ABCC6: variants seen among roughly 807,000 people sequenced by gnomAD.
ABCC6 encodes the protein ATP binding cassette subfamily C member 6.
A neutral mutation model predicts 169.5 loss-of-function variants in ABCC6; 126 were observed. That is an observed-to-expected ratio of 0.74 (90% confidence interval 0.64 to 0.86). The LOEUF is 0.86. Among genes scored for constraint, ABCC6 ranks in the 40% least tolerant of loss-of-function variants. The probability of loss-of-function intolerance (pLI) is 0.00; values close to 1 mark genes in which losing one functional copy is unlikely to be tolerated. For missense variants in ABCC6, 1,733 were observed against 1,927.2 expected (o/e 0.90, Z 1.89); for synonymous variants, 752 against 814.7 (o/e 0.92, Z 1.31).
chr16:16,159,384 A>C, intron 26 of ABCC6, 98 bp downstream of exon 26: 8 of 1,139,956 alleles, frequency 7.0e-6, no homozygotes, highest in Non-Finnish European at 5.2e-6. Flanking sequence ...AGAAGAGGGT[A>C]TAAACTCCAA....
chr16:16,221,649 C>T lies in ABCC6; in HGVS notation c.219G>A (p.Met73Ile). 1 of 1,613,924 alleles carries T rather than the reference C, an allele frequency of 6.2e-7. No homozygotes were observed. Among genetic ancestry groups the T allele is most frequent in the Non-Finnish European group, 8.5e-7 (1 of 1,179,846 alleles). The change falls in exon 2 of 31, where the codon ATG becomes ATA. Residue 73 changes from methionine to isoleucine, a missense_variant and splice_region_variant. By Grantham distance (10) the Met-to-Ile change is conservative. Around this residue, in one of 5 missense-constraint regions of ABCC6, gnomAD observed 66 missense variants for 69.5 expected, o/e 0.95. Transcript: ENST00000205557. ...CCAGGCTCCCAGGGATGGCAGCTAC[C>T]ATCTTGGCTTTGAAGAGTGGGGACA... ...LRMSPLFKAK[M>I]VLGFALIVLC...
At chr16:16,183,047 G>T (rs1015184030) in intron 15 of ABCC6, 117 bp from the exon 16 acceptor site, 4 of 1,505,794 alleles carry the variant, frequency 2.7e-6, no homozygotes, top group African/African-American at 1.4e-5. Context: ...AAGAGGACCT[G>T]TGGGGCTGTT....
chr16:16,177,391 G>A (rs2047310896), intron 19 of ABCC6, 61 bp downstream of exon 19: 3 of 1,599,528 alleles, frequency 1.9e-6, no homozygotes, highest in African/African-American at 1.3e-5. Context: ...GACCCTTCGA[G>A]CCTTTTCCCC....
chr16:16,165,487 C>T, intron 23 of ABCC6, 136 bp downstream of exon 23: 2 of 893,306 alleles, frequency 2.2e-6, no homozygotes, highest in Non-Finnish European at 3.5e-6. Flanking sequence ...TGTAGTGTCC[C>T]TGTCCCTGGG....
intron 20 of ABCC6, among the ~76,000 whole-genome samples, chr16:16,175,019 T>C (rs908802864): frequency 4.0e-4 from 61 of 151,998 alleles, no homozygotes; most frequent in African/African-American, 1.4e-3. Flanking sequence ...TAGCTAGTGA[T>C]CCACCCGCTT....
intron 3 of ABCC6, 36 bp from the exon 4 acceptor site, chr16:16,219,718 G>C: frequency 1.3e-6 from 1 of 773,046 alleles, no homozygotes. Context: ...CTTAGGGGAG[G>C]GTGGGAGGCT....
chr16:16,187,028 T>A lies in ABCC6; in HGVS notation c.1867+96A>T. 2 of 1,088,930 alleles carry A rather than the reference T, an allele frequency of 1.8e-6. 1 individual carries two copies. Among genetic ancestry groups the A allele is most frequent in the African/African-American group, 3.1e-5 (2 of 64,308 alleles). 67.5% of individuals were successfully genotyped at this position (1,088,930 alleles called of 1,614,324 possible). Reference sequence around the variant, plus strand: ...TCATCCATTGCCCGCAGCCCCCATCTCCCCCCAGTACTGATGCTGGCTTGC... The same window carrying A: ...TCATCCATTGCCCGCAGCCCCCATCACCCCCCAGTACTGATGCTGGCTTGC... On this transcript the variant is annotated intron_variant, in intron 14 of 30. Transcript: ENST00000205557.
intron 14 of ABCC6, among the ~76,000 whole-genome samples, chr16:16,185,993 T>C (rs2047644615): frequency 6.6e-6 from 1 of 152,200 alleles, no homozygotes; most frequent in African/African-American, 2.4e-5. Flanking sequence ...ATTTTGGAGA[T>C]GGGAACACGG....
At chr16:16,208,372 T>A (rs1451860022) in intron 7 of ABCC6, among the ~76,000 whole-genome samples, 1 of 150,990 alleles carries the variant, frequency 6.6e-6, no homozygotes, top group Non-Finnish European at 1.5e-5. Flanking sequence ...TTTTGTCTTG[T>A]TTGTTTGTTT....
At chr16:16,188,633 C>A (rs1280238627) in intron 13 of ABCC6, among the ~76,000 whole-genome samples, 198 bp downstream of exon 13, 1 of 152,186 alleles carries the variant, frequency 6.6e-6, no homozygotes, top group Non-Finnish European at 1.5e-5. Flanking sequence ...CAAAGGCTGA[C>A]CCCTTCCAGA....
In ABCC6 at chr16:16,186,927, G is replaced by A. The variant is rs932784169; in HGVS notation, c.1867+197C>T. On this transcript the variant is annotated intron_variant, in intron 14 of 30. Transcript: ENST00000205557. ...CAAAGTGGGCGCTCAGTGAGTGGTC[G>A]CTGAATGGCTAGCAGAAAGAAGAGC... Among the ~76,000 whole-genome samples, 4 of 152,040 alleles carry A rather than the reference G, an allele frequency of 2.6e-5. No homozygotes were observed. The South Asian group carries it at 6.2e-4, about 24-fold the overall frequency.
chr16:16,169,641 C>A lies in ABCC6; in HGVS notation c.2995+5G>T. 6.2e-7 allele frequency: 1 copy of A among 1,610,216 alleles called. No individual in the cohort carries two copies. On this transcript the variant is annotated splice_donor_5th_base_variant and intron_variant, in intron 22 of 30. Coordinates refer to ENST00000205557, the MANE Select transcript of ABCC6 (RefSeq NM_001171.6). ...AGAGGGATGAGGAGGGCAGGTGAGG[C>A]GTACCTTGGAGACAGCCGAGGAGCC...
At chr16:16,192,118 C>G (rs1364128046) in intron 11 of ABCC6, among the ~76,000 whole-genome samples, 2 of 152,156 alleles carry the variant, frequency 1.3e-5, no homozygotes. Flanking sequence ...GGAAGCCGCC[C>G]TGACTGCAGG....
In ABCC6 at chr16:16,175,991, A is replaced by G. The variant is rs2047267029; in HGVS notation, c.2591-5T>C. On this transcript the variant is annotated splice_region_variant and splice_polypyrimidine_tract_variant and intron_variant, in intron 19 of 30. Coordinates refer to ENST00000205557, the MANE Select transcript of ABCC6 (RefSeq NM_001171.6). ...TGCTGGTCCCAGGTTCTGTTTCTGCAAGGTCAAGAGAGTCCTGTCACGCAA... is the reference window on the plus strand; with the variant it reads ...TGCTGGTCCCAGGTTCTGTTTCTGCGAGGTCAAGAGAGTCCTGTCACGCAA... The G allele has an allele frequency of 6.2e-7, 1 of 1,614,036 alleles. No individual in the cohort carries two copies. The highest frequency in any genetic ancestry group is 2.2e-5 in the East Asian group (1 of 44,868).
At position 16,201,901 on chromosome 16, in the gene ABCC6, A is replaced by G. The variant is rs1231862996; in HGVS notation, c.1176+100T>C. On this transcript the variant is annotated intron_variant, in intron 9 of 30. Transcript: ENST00000205557. Reference sequence around the variant, plus strand: ...TGTATGGTGAGTGACTCTAATAAGCAAGGACTGAATGCGTTCTCAGCTGCT... The same window carrying G: ...TGTATGGTGAGTGACTCTAATAAGCGAGGACTGAATGCGTTCTCAGCTGCT... 2.3e-6 allele frequency: 3 copies of G among 1,329,704 alleles called. No individual in the cohort carries two copies. The Admixed American group carries it at 5.1e-5, about 22-fold the overall frequency. The allele number at this position is 1,329,704 out of a possible 1,614,324, so 82.4% of individuals were successfully genotyped here.
At chr16:16,150,906 T>TC in intron 29 of ABCC6, 134 bp from the exon 30 acceptor site, 2 of 1,503,756 alleles carry the variant, frequency 1.3e-6, no homozygotes, top group South Asian at 2.5e-5. Context: ...ACACATGGGG[T>TC]CTGGGGTCTG....
intron 21 of ABCC6, among the ~76,000 whole-genome samples, chr16:16,170,231 G>T (rs2047017264): frequency 6.6e-6 from 1 of 151,960 alleles, no homozygotes; most frequent in Non-Finnish European, 1.5e-5. Context: ...CTCCCGAGTA[G>T]TCAGGACTAT....
At chr16:16,180,894 A>C (rs2047444342) in intron 17 of ABCC6, among the ~76,000 whole-genome samples, 2 of 152,216 alleles carry the variant, frequency 1.3e-5, no homozygotes, top group African/African-American at 4.8e-5. Context: ...GAGCAAAACA[A>C]AGTTGCTGCT....
At chr16:16,170,829 G>T (rs1319029369) in intron 21 of ABCC6, among the ~76,000 whole-genome samples, 1 of 142,826 alleles carries the variant, frequency 7.0e-6, no homozygotes, top group African/African-American at 2.6e-5. Context: ...TAAGGCAAGA[G>T]AATCGTTTGA....
Sources: gnomAD v4.1 joint callset for allele counts (sites outside exome capture counted in the v4.1 genomes callset) on GRCh38, gnomAD v4.1.1 for gene constraint, gnomAD v4.1.1 regional missense constraint, MANE v1.5 for transcripts, NCBI Gene and HGNC (gene_info 2026-07-23, HGNC 2026-07-21) for gene names.